The following MALRD1 variants were observed in gnomAD, a reference collection of about 807,000 sequenced individuals.
MALRD1 encodes the protein MAM and LDL-receptor class A domain-containing protein 1.
Under a neutral mutation model 242.1 loss-of-function variants are expected in MALRD1, and 247 were observed. The ratio of observed to expected loss-of-function variants is 1.02; its 90% CI spans 0.92 to 1.13. The LOEUF (loss-of-function observed/expected upper bound fraction) is 1.13, where lower values mean the gene tolerates loss of function less well. Ranked by LOEUF, MALRD1 falls within the 50% of genes most tolerant of loss-of-function variation. The probability of loss-of-function intolerance (pLI) is 0.00; values close to 1 mark genes in which losing one functional copy is unlikely to be tolerated. For synonymous variants in MALRD1, 995 were observed against 866.6 expected, an observed-to-expected ratio of 1.15 and a Z score of -2.60; for missense variants, 2,989 against 2,533.1, an observed-to-expected ratio of 1.18 and a Z score of -3.86.
At chr10:19,398,124 C>G (rs570398945) in intron 28 of MALRD1, among the ~76,000 whole-genome samples, 1 of 152,026 alleles carries the variant, frequency 6.6e-6, no homozygotes, top group Non-Finnish European at 1.5e-5. Flanking sequence ...TCTCTTCATT[C>G]TGTTGATTGT....
At chr10:19,347,550 A>C (rs201518843) in intron 24 of MALRD1, among the ~76,000 whole-genome samples, 1 of 152,028 alleles carries the variant, frequency 6.6e-6, no homozygotes, top group African/African-American at 2.4e-5. Context: ...ATCAGTTTTG[A>C]AACTGGGACC....
intron 18 of MALRD1, among the ~76,000 whole-genome samples, chr10:19,227,809 T>C (rs1166307939): frequency 6.6e-6 from 1 of 152,120 alleles, no homozygotes; most frequent in Non-Finnish European, 1.5e-5. Flanking sequence ...GGGCCAAATA[T>C]TTGTACAGAT....
At chr10:19,583,244 G>T (rs1201318144) in intron 33 of MALRD1, among the ~76,000 whole-genome samples, 1 of 149,514 alleles carries the variant, frequency 6.7e-6, no homozygotes, top group Non-Finnish European at 1.5e-5. Flanking sequence ...GCCCTGGCCA[G>T]AACTTCCAAC....
At chr10:19,213,718 T>A (rs1287134096) in intron 18 of MALRD1, among the ~76,000 whole-genome samples, 1 of 152,252 alleles carries the variant, frequency 6.6e-6, no homozygotes, top group East Asian at 1.9e-4. Context: ...GCGTCTCTGC[T>A]AAATTGTGTC....
chr10:19,682,961 G>T (rs776070054), intron 36 of MALRD1, among the ~76,000 whole-genome samples: 7 of 152,088 alleles, frequency 4.6e-5, no homozygotes, highest in African/African-American at 1.4e-4. Flanking sequence ...TCCCTTTCCT[G>T]TGTAACAGGA....
chr10:19,499,301 A>C (rs1370770566), intron 31 of MALRD1, among the ~76,000 whole-genome samples: 2 of 152,176 alleles, frequency 1.3e-5, no homozygotes, highest in African/African-American at 4.8e-5. Flanking sequence ...GGGATAAAAA[A>C]ATATCTAAGA....
chr10:19,335,475 T>A (rs541975511), intron 24 of MALRD1, among the ~76,000 whole-genome samples: 34 of 152,240 alleles, frequency 2.2e-4, no homozygotes, highest in Non-Finnish European at 4.0e-4. Flanking sequence ...GAATCTGCCA[T>A]ATGAATTATA....
intron 34 of MALRD1, among the ~76,000 whole-genome samples, chr10:19,602,521 G>GCA (rs1838408203): frequency 6.6e-6 from 1 of 151,778 alleles, no homozygotes; most frequent in African/African-American, 2.4e-5. Flanking sequence ...CAAAGGACAT[G>GCA]AACTCATCAT....
At chr10:19,615,741 T>G (rs903207268) in intron 35 of MALRD1, 116 bp from the exon 36 acceptor site, 1 of 861,294 alleles carries the variant, frequency 1.2e-6, no homozygotes, top group Non-Finnish European at 1.7e-6. Context: ...TTTTTGCAAC[T>G]GGAAAGGAAT....
chr10:19,417,937 C>A (rs545999059), intron 28 of MALRD1, among the ~76,000 whole-genome samples: 4 of 151,950 alleles, frequency 2.6e-5, no homozygotes, highest in Non-Finnish European at 4.4e-5. Context: ...TTAATGAGTG[C>A]CTACGGTGCA....
chr10:19,206,354 A>G lies in MALRD1; in HGVS notation c.2578+1089A>G, dbSNP rs187671097. Among the ~76,000 whole-genome samples the G allele has an allele frequency of 3.8e-3, 579 of 152,272 alleles. 7 individuals are homozygous for G. Among genetic ancestry groups the G allele is most frequent in the African/African-American group, 0.013 (547 of 41,556 alleles). ...CATCTCATGAAATTTACACACCAAT[A>G]TTTGAGTGGGTATAATTAAAATGGT... is the stretch of plus-strand genomic sequence containing the variant. On this transcript the variant is annotated intron_variant, in intron 17 of 39. Transcript: ENST00000454679.
intron 13 of MALRD1, among the ~76,000 whole-genome samples, chr10:19,169,028 C>G (rs753242102): frequency 9.2e-5 from 14 of 152,186 alleles, no homozygotes; most frequent in Non-Finnish European, 2.1e-4. Flanking sequence ...CCTATAATAT[C>G]CAATCAGCAA....
chr10:19,368,523 T>C (rs1845204121), intron 26 of MALRD1, among the ~76,000 whole-genome samples: 1 of 152,110 alleles, frequency 6.6e-6, no homozygotes, highest in Non-Finnish European at 1.5e-5. Flanking sequence ...TACTACAGCT[T>C]TGTAATGTAT....
intron 38 of MALRD1, among the ~76,000 whole-genome samples, chr10:19,701,031 C>A (rs558910768): frequency 2.6e-5 from 4 of 152,240 alleles, no homozygotes; most frequent in African/African-American, 9.6e-5. Flanking sequence ...TGCCTGTAGT[C>A]CCAGCTATTC....
chr10:19,522,145 T>C (rs1833910305), intron 31 of MALRD1, among the ~76,000 whole-genome samples: 1 of 152,142 alleles, frequency 6.6e-6, no homozygotes, highest in African/African-American at 2.4e-5. Context: ...CTTCATTGCC[T>C]TTCAGTTTAG....
At chr10:19,271,893 C>A (rs1369788901) in intron 19 of MALRD1, among the ~76,000 whole-genome samples, 1 of 152,042 alleles carries the variant, frequency 6.6e-6, no homozygotes, top group East Asian at 1.9e-4. Flanking sequence ...ATTCAGTATA[C>A]TACTCACCTT....
At chr10:19,303,867 T>C (rs964694743) in intron 21 of MALRD1, among the ~76,000 whole-genome samples, 4 of 151,764 alleles carry the variant, frequency 2.6e-5, no homozygotes, top group African/African-American at 9.7e-5. Context: ...AGTGGATTCA[T>C]ATACTCAGGT....
At position 19,464,948 on chromosome 10, in the gene MALRD1, ATTTT is replaced by A. The variant is rs60320410; in HGVS notation, c.5029+14475_5029+14478del. The stretch of plus-strand genomic sequence containing the variant: ...ACCTCCTTGGTTAGGTATAATTCCA[ATTTT>A]TTTTTTTTTTTTTTTTGCAGCTCTT... On this transcript the variant is annotated intron_variant, in intron 29 of 39. Coordinates refer to ENST00000454679, the MANE Select transcript of MALRD1 (RefSeq NM_001142308.3). 6.2e-3 allele frequency among the ~76,000 whole-genome samples: 833 copies of A among 133,776 alleles called. 12 individuals carry two copies. The highest frequency in any genetic ancestry group is 0.024 in the Admixed American group (336 of 13,732). The allele number at this position is 133,776 out of a possible 152,430, so 87.8% of individuals were successfully genotyped here. A position where few individuals can be genotyped will look rare whatever the true frequency, so the allele number is the denominator to read the frequency against.
rs77547916 is a variant in MALRD1, at chr10:19,705,036, G to A, written c.6314+12482G>A. ...CCCAAATCTTGGACTAGCTAACCCCGTGAGAGGTACAGAATATTGTTTGAG... is the reference window on the plus strand; with the variant it reads ...CCCAAATCTTGGACTAGCTAACCCCATGAGAGGTACAGAATATTGTTTGAG... On this transcript the variant is annotated intron_variant, in intron 38 of 39. Transcript: ENST00000454679. Among the ~76,000 whole-genome samples, 599 of 152,262 alleles carry A rather than the reference G, an allele frequency of 3.9e-3. 3 individuals are homozygous for A. Among genetic ancestry groups the A allele is most frequent in the African/African-American group, 0.014 (570 of 41,544 alleles).
Sources: allele counts gnomAD v4.1 joint callset (sites outside exome capture counted in the v4.1 genomes callset), GRCh38; gene constraint gnomAD v4.1.1; transcripts MANE v1.5; gene names NCBI Gene and HGNC (gene_info 2026-07-23, HGNC 2026-07-21).